IPPK: variants seen among roughly 807,000 people sequenced by gnomAD.
IPPK encodes IPK1 homolog.
In IPPK, 22 loss-of-function variants were observed where a neutral mutation model predicts 64.6. The ratio of observed to expected loss-of-function variants is 0.34; its 90% CI spans 0.24 to 0.49. The LOEUF is 0.49. IPPK is among the 20% of genes least tolerant of loss of function. IPPK has a pLI of 0.99. For synonymous variants in IPPK, 262 were observed against 247.2 expected (o/e 1.06, Z -0.56); for missense variants, 532 against 630.7 (o/e 0.84, Z 1.68).
chr9:92,613,478 G>C lies in IPPK; in HGVS notation c.*2354C>G, dbSNP rs1218982906. On this transcript the variant is annotated 3_prime_UTR_variant, in exon 13 of 13. Transcript: ENST00000287996. ...TGCAGCCTCACACCGAGTCCACCTT[G>C]GACATGGTGGCCACATTACTCAGCT... 1 of 286,896 alleles carries C rather than the reference G, an allele frequency of 3.5e-6. No individual in the cohort carries two copies. The highest frequency in any genetic ancestry group is 2.2e-5 in the African/African-American group (1 of 45,816). 17.8% of individuals were successfully genotyped at this position (286,896 alleles called of 1,614,324 possible).
In IPPK at chr9:92,670,042, G is replaced by T; in HGVS notation, c.-54C>A. The T allele has an allele frequency of 1.5e-6, 2 of 1,358,276 alleles. No individual in the cohort carries two copies. Among genetic ancestry groups the T allele is most frequent in the Non-Finnish European group, 2.0e-6 (2 of 982,892 alleles). The allele number at this position is 1,358,276 out of a possible 1,614,324, so 84.1% of individuals were successfully genotyped here. A position where few individuals can be genotyped will look rare whatever the true frequency, so the allele number is the denominator to read the frequency against. ...GCTAGGACTCGGGGACGCGAGCTGG[G>T]GGCCGCCCGCCTCGCTGGGAACCAG... On this transcript the variant is annotated 5_prime_UTR_variant, in exon 1 of 13. Transcript: ENST00000287996.
At chr9:92,616,209 GA>G in intron 12 of IPPK, 152 bp from the exon 13 acceptor site, 1 of 602,766 alleles carries the variant, frequency 1.7e-6, no homozygotes, top group South Asian at 2.0e-5. Context: ...TTTTAAAAGA[GA>G]AGTGAATGGC....
At chr9:92,658,422 A>G (rs750230542) in intron 2 of IPPK, among the ~76,000 whole-genome samples, 32 of 152,228 alleles carry the variant, frequency 2.1e-4, no homozygotes, top group Non-Finnish European at 4.0e-4. Flanking sequence ...CTCCTGGCTG[A>G]GCGCCACATA....
intron 1 of IPPK, among the ~76,000 whole-genome samples, chr9:92,664,008 C>A (rs529529420): frequency 2.6e-5 from 4 of 152,162 alleles, no homozygotes; most frequent in Admixed American, 6.5e-5. Flanking sequence ...CATGGGGGAT[C>A]CCAAATGTCC....
chr9:92,616,900 T>A (rs1481769727), intron 12 of IPPK: 1 of 152,266 alleles, frequency 6.6e-6, no homozygotes, highest in Non-Finnish European at 1.5e-5. Context: ...CAATGTTTAC[T>A]ACGCTTTGAG....
intron 5 of IPPK, among the ~76,000 whole-genome samples, chr9:92,648,895 A>C (rs1421453607): frequency 6.6e-6 from 1 of 152,188 alleles, no homozygotes; most frequent in African/African-American, 2.4e-5. Flanking sequence ...GGCACCAGAG[A>C]AATTCAGGAC....
At chr9:92,666,787 C>T (rs975558744) in intron 1 of IPPK, among the ~76,000 whole-genome samples, 2 of 152,228 alleles carry the variant, frequency 1.3e-5, no homozygotes, top group Non-Finnish European at 2.9e-5. Context: ...CACCTTTAAA[C>T]GCCTCTCTAT....
intron 11 of IPPK, among the ~76,000 whole-genome samples, chr9:92,632,625 C>T (rs1022907859): frequency 6.6e-6 from 1 of 152,226 alleles, no homozygotes; most frequent in Non-Finnish European, 1.5e-5. Flanking sequence ...GCAGACAGCA[C>T]GAGGCAGGTG....
At chr9:92,650,675 A>C (rs1433281378) in intron 4 of IPPK, among the ~76,000 whole-genome samples, 2 of 152,158 alleles carry the variant, frequency 1.3e-5, no homozygotes, top group East Asian at 3.9e-4. Context: ...ACCATAAGTA[A>C]AACAGTGAGT....
Position 92,658,893 on chromosome 9 carries a change from C to T in IPPK, c.82-212G>A, listed in dbSNP as rs72756436. The stretch of plus-strand genomic sequence containing the variant: ...ACAACCAAGAACCTTCAGCCTCTGA[C>T]CAGCCAGCCCCTCCCAGGACTTTAT... On this transcript the variant is annotated intron_variant, in intron 1 of 12. Transcript: ENST00000287996. 7.8e-3 allele frequency among the ~76,000 whole-genome samples: 1,185 copies of T among 152,306 alleles called. 15 individuals are homozygous for T. The highest frequency in any genetic ancestry group is 0.011 in the Non-Finnish European group (728 of 68,026).
chr9:92,626,265 C>T (rs1316333746), intron 11 of IPPK, among the ~76,000 whole-genome samples: 6 of 152,072 alleles, frequency 3.9e-5, no homozygotes, highest in Admixed American at 1.3e-4. Context: ...GGCGTGGTGG[C>T]AGGCGCCTGT....
intron 11 of IPPK, among the ~76,000 whole-genome samples, chr9:92,626,986 C>CA (rs1851746551): frequency 1.3e-5 from 2 of 150,174 alleles, no homozygotes; most frequent in Admixed American, 1.3e-4. Flanking sequence ...AAACTGTGGA[C>CA]AAAATATGAA....
chr9:92,643,101 T>C (rs1473920636), intron 6 of IPPK, among the ~76,000 whole-genome samples: 4 of 152,232 alleles, frequency 2.6e-5, no homozygotes, highest in Admixed American at 1.3e-4. Context: ...TCAAATTACA[T>C]GGCTAAATTT....
chr9:92,633,666 C>T (rs1441424392), intron 11 of IPPK, among the ~76,000 whole-genome samples: 1 of 152,152 alleles, frequency 6.6e-6, no homozygotes, highest in Non-Finnish European at 1.5e-5. Flanking sequence ...AAATGTATTC[C>T]GTAGTAATAT....
At chr9:92,637,061 C>T (rs116081438) in intron 9 of IPPK, among the ~76,000 whole-genome samples, 5,510 of 152,284 alleles carry the variant, frequency 0.036, 140 homozygotes, top group Middle Eastern at 0.075. Context: ...TGGCTCATGC[C>T]TGTAATCCTA....
rs1851336860 is a variant in IPPK at position 92,613,551 on chromosome 9, G to C, written c.*2281C>G. 1 of 208,620 alleles carries C rather than the reference G, an allele frequency of 4.8e-6. No homozygotes were observed. The highest frequency in any genetic ancestry group is 9.8e-6 in the Non-Finnish European group (1 of 101,650). 12.9% of individuals were successfully genotyped at this position (208,620 alleles called of 1,614,324 possible). A position where few individuals can be genotyped will look rare whatever the true frequency, so the allele number is the denominator to read the frequency against. ...GTTCCTGCCTCCTGGGGGCTCTGGA[G>C]ACGGATGCCTATGGCGCCTCATCTT... On this transcript the variant is annotated 3_prime_UTR_variant, in exon 13 of 13. Transcript: ENST00000287996.
chr9:92,648,708 G>A (rs1190571737), intron 5 of IPPK, among the ~76,000 whole-genome samples: 1 of 152,206 alleles, frequency 6.6e-6, no homozygotes, highest in Non-Finnish European at 1.5e-5. Context: ...GGAGGATCAG[G>A]AGGCATGAGC....
At chr9:92,621,520 T>C (rs1851629424) in intron 11 of IPPK, among the ~76,000 whole-genome samples, 1 of 143,600 alleles carries the variant, frequency 7.0e-6, no homozygotes. Flanking sequence ...TTTTTTTTTT[T>C]TTTTTTTTTT....
chr9:92,668,205 T>C (rs893486241), intron 1 of IPPK, among the ~76,000 whole-genome samples: 9 of 151,970 alleles, frequency 5.9e-5, no homozygotes, highest in African/African-American at 1.7e-4. Context: ...GAGGCGGAGG[T>C]TGCAGTGAGC....
Sources: allele counts gnomAD v4.1 joint callset (sites outside exome capture counted in the v4.1 genomes callset), GRCh38; gene constraint gnomAD v4.1.1; transcripts MANE v1.5; gene names NCBI Gene and HGNC (gene_info 2026-07-23, HGNC 2026-07-21).